QKI: variants seen among roughly 807,000 people sequenced by gnomAD.
QKI encodes QKI, KH domain containing RNA binding, also known as KH domain-containing RNA-binding protein QKI.
QKI carries 10 observed loss-of-function variants against 39.0 expected under a neutral mutation model. The observed-to-expected ratio is 0.26, with a 90% confidence interval of 0.16 to 0.43. The LOEUF (loss-of-function observed/expected upper bound fraction) is 0.43, where lower values mean the gene tolerates loss of function less well. QKI is among the 20% of genes least tolerant of loss of function. QKI has a pLI of 1.00. For missense variants in QKI, 218 were observed against 428.0 expected (o/e 0.51, Z 4.33); for synonymous variants, 204 against 155.4 (o/e 1.31, Z -2.33).
intron 4 of QKI, among the ~76,000 whole-genome samples, chr6:163,551,933 T>C (rs1273953516): frequency 6.6e-6 from 1 of 152,148 alleles, no homozygotes; most frequent in Non-Finnish European, 1.5e-5. Flanking sequence ...CTTTTGACCA[T>C]AGTAGGGATT....
intron 4 of QKI, among the ~76,000 whole-genome samples, chr6:163,556,503 C>CAAAAAA (rs61233361): frequency 7.0e-4 from 58 of 82,788 alleles, no homozygotes; most frequent in Non-Finnish European, 9.7e-4. Flanking sequence ...AATTCCACCT[C>CAAAAAA]AAAAAAAAAA....
At position 163,535,057 on chromosome 6, in the gene QKI, G is replaced by T; in HGVS notation, c.478G>T (p.Ala160Ser). The T allele has an allele frequency of 6.2e-7, 1 of 1,612,172 alleles. No homozygotes were observed. The highest frequency in any genetic ancestry group is 8.5e-7 in the Non-Finnish European group (1 of 1,179,080). The change falls in exon 4 of 8, where the codon GCT becomes TCT. Residue 160 changes from alanine to serine, a missense_variant. By Grantham distance (99) the Ala-to-Ser change is moderately conservative. Transcript: ENST00000361752. Reference sequence around the variant, plus strand: ...ACATGTACTAATCACTGTGGAAGATGCTCAGAACAGAGCAGAAATCAAATT... The same window carrying T: ...ACATGTACTAATCACTGTGGAAGATTCTCAGAACAGAGCAGAAATCAAATT... ...DLHVLITVED[A>S]QNRAEIKLKR...
chr6:163,509,155 G>A (rs7751784), intron 3 of QKI, among the ~76,000 whole-genome samples: 118,027 of 151,160 alleles, frequency 0.78, 46,087 homozygotes, highest in East Asian at 1. Context: ...CAGTCAATCA[G>A]TCAGTCAATC....
At chr6:163,512,903 CAA>C in intron 3 of QKI, among the ~76,000 whole-genome samples, 2 of 152,120 alleles carry the variant, frequency 1.3e-5, no homozygotes, top group Middle Eastern at 6.8e-3. Context: ...AGATTAAAAG[CAA>C]AGAGGAAAAA....
chr6:163,556,020 A>G (rs959700149), intron 4 of QKI, among the ~76,000 whole-genome samples: 19 of 152,280 alleles, frequency 1.2e-4, no homozygotes, highest in South Asian at 8.3e-4. Context: ...CAGGTTTGCA[A>G]TGTGAACTTT....
chr6:163,416,032 G>A lies in QKI; in HGVS notation c.142+697G>A, dbSNP rs991988266. The A allele has an allele frequency of 4.0e-5, 11 of 275,004 alleles. No homozygotes were observed. The East Asian group carries it at 1.4e-3, about 35-fold the overall frequency. The allele number at this position is 275,004 out of a possible 1,614,324, so 17.0% of individuals were successfully genotyped here. ...TTGGGGAAGCGAGAACTGTTAGGGA[G>A]TTGAACTTCACTTTTCGGGGGTGGG... is the stretch of plus-strand genomic sequence containing the variant. On this transcript the variant is annotated intron_variant, in intron 1 of 7. Coordinates refer to ENST00000361752, the MANE Select transcript of QKI (RefSeq NM_006775.3).
At chr6:163,493,732 T>G (rs1307905934) in intron 3 of QKI, among the ~76,000 whole-genome samples, 1 of 152,098 alleles carries the variant, frequency 6.6e-6, no homozygotes, top group Non-Finnish European at 1.5e-5. Flanking sequence ...ATTGGTTGGT[T>G]GAAAATGCAT....
intron 3 of QKI, among the ~76,000 whole-genome samples, chr6:163,498,280 A>G (rs1583102091): frequency 6.6e-6 from 1 of 152,070 alleles, no homozygotes; most frequent in East Asian, 1.9e-4. Flanking sequence ...TGTACAGCAC[A>G]GATAAAGACC....
chr6:163,531,707 G>GT (rs1780862897), intron 3 of QKI, among the ~76,000 whole-genome samples: 1 of 152,160 alleles, frequency 6.6e-6, no homozygotes, highest in Non-Finnish European at 1.5e-5. Context: ...GGGTCTGACT[G>GT]TTCCCCAGGC....
At chr6:163,422,247 A>G (rs954402883) in intron 1 of QKI, among the ~76,000 whole-genome samples, 2 of 152,190 alleles carry the variant, frequency 1.3e-5, no homozygotes, top group Non-Finnish European at 2.9e-5. Context: ...AAATCCGGCA[A>G]TCCTATCAAG....
intron 3 of QKI, among the ~76,000 whole-genome samples, chr6:163,509,131 C>A (rs1349258391): frequency 6.6e-6 from 1 of 152,050 alleles, no homozygotes; most frequent in African/African-American, 2.4e-5. Flanking sequence ...GAGTGAGACT[C>A]CGTCTCAGTC....
At chr6:163,537,385 A>C (rs1047728138) in intron 4 of QKI, among the ~76,000 whole-genome samples, 6 of 152,224 alleles carry the variant, frequency 3.9e-5, no homozygotes, top group Admixed American at 1.3e-4. Flanking sequence ...AAATGTACAG[A>C]AATAGTTCCT....
chr6:163,419,993 A>G, intron 1 of QKI, among the ~76,000 whole-genome samples: 1 of 152,234 alleles, frequency 6.6e-6, no homozygotes, highest in African/African-American at 2.4e-5. Flanking sequence ...ATAAGAGCAA[A>G]TGGTTTTTGG....
At chr6:163,544,513 G>A (rs1367644579) in intron 4 of QKI, among the ~76,000 whole-genome samples, 2 of 151,922 alleles carry the variant, frequency 1.3e-5, no homozygotes, top group Non-Finnish European at 1.5e-5. Flanking sequence ...AAATGTCTAA[G>A]GTGATGAACA....
intron 7 of QKI, chr6:163,568,983 A>G: frequency 1.0e-6 from 1 of 986,030 alleles, no homozygotes; most frequent in East Asian, 1.1e-4. Context: ...CACACTCAGA[A>G]AAGAAGTCAG....
chr6:163,502,547 C>T (rs1778839325), intron 3 of QKI, among the ~76,000 whole-genome samples: 1 of 152,038 alleles, frequency 6.6e-6, no homozygotes, highest in African/African-American at 2.4e-5. Flanking sequence ...ATCCCCCTGC[C>T]CCCCACCTAA....
intron 4 of QKI, among the ~76,000 whole-genome samples, chr6:163,551,917 A>T (rs934178201): frequency 6.6e-6 from 1 of 152,208 alleles, no homozygotes; most frequent in Non-Finnish European, 1.5e-5. Context: ...TTGCTTACAC[A>T]GTTGACTTTT....
intron 2 of QKI, among the ~76,000 whole-genome samples, chr6:163,456,302 C>G (rs556563652): frequency 6.6e-6 from 1 of 151,514 alleles, no homozygotes; most frequent in Non-Finnish European, 1.5e-5. Flanking sequence ...GGTTTATTTT[C>G]TCTCTCTCTG....
Position 163,415,085 on chromosome 6 carries a change from G to A in QKI, c.-109G>A, listed in dbSNP as rs2128205079. ...GCCAGAGCGGGAGCCGGCGCGGAGCGGGACGCCGGGTCCCGAGCGGCCCGC... is the reference window on the plus strand; with the variant it reads ...GCCAGAGCGGGAGCCGGCGCGGAGCAGGACGCCGGGTCCCGAGCGGCCCGC... On this transcript the variant is annotated 5_prime_UTR_variant, in exon 1 of 8. Coordinates refer to ENST00000361752, the MANE Select transcript of QKI (RefSeq NM_006775.3). 2 of 980,674 alleles carry A rather than the reference G, an allele frequency of 2.0e-6. No individual in the cohort carries two copies. The highest frequency in any genetic ancestry group is 1.1e-4 in the East Asian group (1 of 8,996). 60.7% of individuals were successfully genotyped at this position (980,674 alleles called of 1,614,324 possible).
Sources: allele counts gnomAD v4.1 joint callset (sites outside exome capture counted in the v4.1 genomes callset), GRCh38; gene constraint gnomAD v4.1.1; transcripts MANE v1.5; gene names NCBI Gene and HGNC (gene_info 2026-07-23, HGNC 2026-07-21).